Variants in RALYL observed in about 807,000 individuals in gnomAD.
RALYL encodes the protein RALY RNA binding protein like.
In RALYL, 29 loss-of-function variants were observed where a neutral mutation model predicts 35.1. The ratio of observed to expected loss-of-function variants is 0.83; its 90% confidence interval spans 0.61 to 1.13. The LOEUF is 1.13. Ranked by LOEUF, RALYL falls within the 50% of genes most tolerant of loss-of-function variation. The pLI is 0.00. For synonymous variants in RALYL, 120 were observed against 127.6 expected, an observed-to-expected ratio of 0.94 and a Z score of 0.40; for missense variants, 359 against 360.4, an observed-to-expected ratio of 1.00 and a Z score of 0.03.
chr8:84,820,007 C>T (rs867093827), intron 4 of RALYL, among the ~76,000 whole-genome samples: 14 of 152,112 alleles, frequency 9.2e-5, no homozygotes, highest in South Asian at 2.1e-4. Flanking sequence ...TGAGATCTTT[C>T]ATCACAATAA....
intron 2 of RALYL, among the ~76,000 whole-genome samples, chr8:84,639,686 G>A (rs966813069): frequency 2.6e-5 from 4 of 151,868 alleles, no homozygotes; most frequent in Non-Finnish European, 1.5e-5. Context: ...CCATATCAAT[G>A]CTGAGGTGGT....
intron 8 of RALYL, among the ~76,000 whole-genome samples, chr8:84,916,494 A>T (rs567062438): frequency 6.6e-6 from 1 of 151,976 alleles, no homozygotes; most frequent in African/African-American, 2.4e-5. Context: ...GTGATGGTAC[A>T]TAAGTCTCAT....
At chr8:84,282,630 T>C (rs1237764756) in intron 1 of RALYL, among the ~76,000 whole-genome samples, 1 of 151,926 alleles carries the variant, frequency 6.6e-6, no homozygotes, top group African/African-American at 2.4e-5. Context: ...TGTTGAGGTT[T>C]TGGGATTATT....
intron 2 of RALYL, among the ~76,000 whole-genome samples, chr8:84,739,340 C>T (rs1276957117): frequency 1.3e-5 from 2 of 151,216 alleles, no homozygotes; most frequent in Non-Finnish European, 1.5e-5. Context: ...AATTAAAGAG[C>T]TTATAGTTTA....
intron 4 of RALYL, among the ~76,000 whole-genome samples, chr8:84,810,230 T>C (rs1825610761): frequency 6.6e-6 from 1 of 152,144 alleles, no homozygotes; most frequent in Non-Finnish European, 1.5e-5. Context: ...CCATCTTAAT[T>C]TTGTTTTTGA....
chr8:84,394,770 T>C (rs1861427029), intron 1 of RALYL, among the ~76,000 whole-genome samples: 1 of 151,974 alleles, frequency 6.6e-6, no homozygotes, highest in South Asian at 2.1e-4. Flanking sequence ...TTCACCATTA[T>C]ATGCAAAGGT....
intron 6 of RALYL, among the ~76,000 whole-genome samples, chr8:84,868,278 A>G (rs1839549864): frequency 6.6e-6 from 1 of 152,120 alleles, no homozygotes; most frequent in Non-Finnish European, 1.5e-5. Flanking sequence ...ATGTAACCTC[A>G]AACTCCTGCA....
At chr8:84,771,069 T>C (rs1023251791) in intron 2 of RALYL, among the ~76,000 whole-genome samples, 1 of 152,140 alleles carries the variant, frequency 6.6e-6, no homozygotes, top group African/African-American at 2.4e-5. Context: ...TGTATTTTTC[T>C]TTTTATACAA....
chr8:84,360,962 G>C (rs376303523), intron 1 of RALYL, among the ~76,000 whole-genome samples: 1 of 98,304 alleles, frequency 1.0e-5, no homozygotes, highest in African/African-American at 3.6e-5. Context: ...ATGCAGTAAA[G>C]AAAAAAAAAA....
At chr8:84,762,722 A>T (rs1813004169) in intron 2 of RALYL, among the ~76,000 whole-genome samples, 1 of 152,152 alleles carries the variant, frequency 6.6e-6, no homozygotes, top group African/African-American at 2.4e-5. Flanking sequence ...ATAACTGGGA[A>T]TCAATAATAA....
At chr8:84,712,593 C>T (rs1842361179) in intron 2 of RALYL, among the ~76,000 whole-genome samples, 1 of 152,138 alleles carries the variant, frequency 6.6e-6, no homozygotes, top group Non-Finnish European at 1.5e-5. Flanking sequence ...CAGAAAACAA[C>T]TTGACTATCA....
At chr8:84,802,618 G>T (rs773822880) in intron 3 of RALYL, among the ~76,000 whole-genome samples, 14 of 152,048 alleles carry the variant, frequency 9.2e-5, no homozygotes, top group Non-Finnish European at 1.6e-4. Context: ...GAGAGAGAGA[G>T]AAATCAATCA....
chr8:84,561,123 T>A (rs1457866052), intron 2 of RALYL, among the ~76,000 whole-genome samples: 2 of 152,060 alleles, frequency 1.3e-5, no homozygotes, highest in African/African-American at 4.8e-5. Flanking sequence ...AAAATCTAAT[T>A]TTTCTTAACC....
intron 2 of RALYL, among the ~76,000 whole-genome samples, chr8:84,598,703 C>A (rs1815196609): frequency 6.6e-6 from 1 of 152,118 alleles, no homozygotes; most frequent in Non-Finnish European, 1.5e-5. Context: ...TAAACAGTAT[C>A]ATCTGATAAC....
intron 2 of RALYL, among the ~76,000 whole-genome samples, chr8:84,626,891 T>C (rs1408493333): frequency 6.6e-6 from 1 of 152,180 alleles, no homozygotes; most frequent in Admixed American, 6.5e-5. Context: ...TAGAGCACCT[T>C]ACAGTTTGCT....
At chr8:84,693,668 A>G (rs763074697) in intron 2 of RALYL, among the ~76,000 whole-genome samples, 10 of 151,958 alleles carry the variant, frequency 6.6e-5, no homozygotes, top group Non-Finnish European at 1.5e-4. Context: ...TACAAGAAGA[A>G]AAATTACAGG....
At chr8:84,854,050 C>A (rs775129559) in intron 5 of RALYL, among the ~76,000 whole-genome samples, 5 of 152,082 alleles carry the variant, frequency 3.3e-5, no homozygotes, top group Non-Finnish European at 7.4e-5. Context: ...TTAACAGTAA[C>A]CATTAACAAT....
chr8:84,610,965 C>G (rs1818185930), intron 2 of RALYL, among the ~76,000 whole-genome samples: 1 of 152,074 alleles, frequency 6.6e-6, no homozygotes, highest in Non-Finnish European at 1.5e-5. Context: ...TTTCCTACTC[C>G]AGTATACAAT....
chr8:84,258,784 C>A (rs1325993384), intron 1 of RALYL, among the ~76,000 whole-genome samples: 1 of 152,078 alleles, frequency 6.6e-6, no homozygotes, highest in African/African-American at 2.4e-5. Flanking sequence ...CCCACAGTCA[C>A]TTTTTAACAT....
Sources: allele counts gnomAD v4.1 joint callset (sites outside exome capture counted in the v4.1 genomes callset), GRCh38; gene constraint gnomAD v4.1.1; transcripts MANE v1.5; gene names NCBI Gene and HGNC (gene_info 2026-07-23, HGNC 2026-07-21).